Variants in NRXN3 observed in about 807,000 individuals in gnomAD.
NRXN3 encodes neurexin 3.
In NRXN3, 32 loss-of-function variants were observed where a neutral mutation model predicts 137.6. The ratio of observed to expected loss-of-function variants is 0.23; its 90% CI spans 0.18 to 0.31. The LOEUF (loss-of-function observed/expected upper bound fraction) is 0.31. Among genes scored for constraint, NRXN3 ranks in the 10% least tolerant of loss-of-function variants. NRXN3 has a pLI of 1.00. For synonymous variants in NRXN3, 798 were observed against 784.5 expected (o/e 1.02, Z -0.29); for missense variants, 1,574 against 2,062.5 (o/e 0.76, Z 4.59).
intron 15 of NRXN3, among the ~76,000 whole-genome samples, chr14:79,178,661 C>CTAATTTAAGTACA: frequency 6.6e-6 from 1 of 152,102 alleles, no homozygotes; most frequent in Non-Finnish European, 1.5e-5. Flanking sequence ...CTGTTAGGTT[C>CTAATTTAAGTACA]TGTGTTTTGG....
intron 4 of NRXN3, among the ~76,000 whole-genome samples, chr14:78,423,912 TAGGGGCACAAATATATGAACA>T (rs2093559673): frequency 6.6e-6 from 1 of 152,194 alleles, no homozygotes; most frequent in African/African-American, 2.4e-5. Context: ...ATTGTTCCCG[TAGGGGCACAAATATATGAACA>T]AGCGTCTGCA....
intron 4 of NRXN3, among the ~76,000 whole-genome samples, chr14:78,635,731 G>A (rs59887424): frequency 0.055 from 8,379 of 152,130 alleles, 478 homozygotes; most frequent in East Asian, 0.18. Flanking sequence ...TTGGCCAAGG[G>A]TGAAAGGATA....
rs1309421504 is a variant in NRXN3 at position 79,574,321 on chromosome 14, G to C, written c.3445-89457G>C. ...ATAAAGGTTAAGAGTGTAAATTTGG[G>C]GTTCATACTACTAGAGTTTCACAAC... On this transcript the variant is annotated intron_variant, in intron 16 of 20. Coordinates refer to ENST00000335750, the MANE Select transcript of NRXN3 (RefSeq NM_001330195.2). Among the ~76,000 whole-genome samples the C allele has an allele frequency of 2.0e-5, 3 of 151,618 alleles. No individual in the cohort carries two copies. The East Asian group carries it at 5.8e-4, about 29-fold the overall frequency.
rs186949267 is a variant in NRXN3 at position 79,773,338 on chromosome 14, T to A, written c.4015-31774T>A. Among the ~76,000 whole-genome samples the A allele has an allele frequency of 2.6e-5, 4 of 152,202 alleles. No homozygotes were observed. The East Asian group carries it at 7.7e-4, about 29-fold the overall frequency. Reference sequence around the variant, plus strand: ...AAAGACACATGCACACGTATGTTTATTGCGGCATTATTCACAACAGCAAAG... The same window carrying A: ...AAAGACACATGCACACGTATGTTTAATGCGGCATTATTCACAACAGCAAAG... On this transcript the variant is annotated intron_variant, in intron 19 of 20. Coordinates refer to ENST00000335750, the MANE Select transcript of NRXN3 (RefSeq NM_001330195.2).
At chr14:79,443,038 G>A (rs940251061) in intron 15 of NRXN3, among the ~76,000 whole-genome samples, 4 of 152,180 alleles carry the variant, frequency 2.6e-5, no homozygotes, top group African/African-American at 9.7e-5. Flanking sequence ...ACTTCAAAGG[G>A]TACACAGACA....
At chr14:79,749,389 A>G (rs2098990017) in intron 19 of NRXN3, among the ~76,000 whole-genome samples, 1 of 151,762 alleles carries the variant, frequency 6.6e-6, no homozygotes, top group East Asian at 1.9e-4. Context: ...CAAAAAAGCA[A>G]CTGTAAGTAT....
chr14:79,326,995 C>A (rs1673659787), intron 15 of NRXN3, among the ~76,000 whole-genome samples: 1 of 152,212 alleles, frequency 6.6e-6, no homozygotes, highest in Non-Finnish European at 1.5e-5. Flanking sequence ...AGTGCTCAGT[C>A]TCTCATCTTG....
At chr14:79,729,403 A>C (rs1038474574) in intron 19 of NRXN3, among the ~76,000 whole-genome samples, 1 of 152,176 alleles carries the variant, frequency 6.6e-6, no homozygotes, top group African/African-American at 2.4e-5. Flanking sequence ...CCTGTCTGCA[A>C]AACAGGTGGG....
intron 15 of NRXN3, among the ~76,000 whole-genome samples, chr14:79,220,101 G>C (rs773804942): frequency 2.0e-5 from 3 of 152,080 alleles, no homozygotes; most frequent in Non-Finnish European, 4.4e-5. Flanking sequence ...CGTTATGTTG[G>C]AAAACTGCAT....
At chr14:79,423,016 G>T (rs917707239) in intron 15 of NRXN3, among the ~76,000 whole-genome samples, 8 of 152,174 alleles carry the variant, frequency 5.3e-5, no homozygotes, top group Non-Finnish European at 1.2e-4. Context: ...CATTCTTAAA[G>T]ATGTTTCAGC....
intron 6 of NRXN3, among the ~76,000 whole-genome samples, chr14:78,691,233 T>G (rs1347719543): frequency 1.3e-5 from 2 of 152,174 alleles, no homozygotes; most frequent in African/African-American, 4.8e-5. Flanking sequence ...TTATTTGCTC[T>G]TGGGTTAAAT....
At chr14:78,584,969 A>G (rs2097046589) in intron 4 of NRXN3, among the ~76,000 whole-genome samples, 1 of 152,206 alleles carries the variant, frequency 6.6e-6, no homozygotes, top group South Asian at 2.1e-4. Context: ...CATAACAGGC[A>G]TAGCATTAGC....
At chr14:79,638,996 T>C (rs1391702142) in intron 16 of NRXN3, among the ~76,000 whole-genome samples, 2 of 152,134 alleles carry the variant, frequency 1.3e-5, no homozygotes, top group African/African-American at 2.4e-5. Context: ...TAACTCACCC[T>C]TCCCTGCCCT....
At position 79,610,860 on chromosome 14, in the gene NRXN3, C is replaced by A. The variant is rs567417605; in HGVS notation, c.3445-52918C>A. Among the ~76,000 whole-genome samples, 22 of 152,224 alleles carry A rather than the reference C, an allele frequency of 1.4e-4. No homozygotes were observed. The South Asian group carries it at 3.7e-3, about 26-fold the overall frequency. On this transcript the variant is annotated intron_variant, in intron 16 of 20. Coordinates refer to ENST00000335750, the MANE Select transcript of NRXN3 (RefSeq NM_001330195.2). Reference sequence around the variant, plus strand: ...GTAGAGTTAAAGACAAGTACAGTGCCCATGTACCCTTTATGCTGCAAGTTC... The same window carrying A: ...GTAGAGTTAAAGACAAGTACAGTGCACATGTACCCTTTATGCTGCAAGTTC...
intron 10 of NRXN3, among the ~76,000 whole-genome samples, chr14:78,810,676 A>T (rs955449327): frequency 5.3e-5 from 8 of 152,244 alleles, no homozygotes; most frequent in African/African-American, 1.9e-4. Context: ...GGTAACTCTG[A>T]GAGTGAACAA....
chr14:79,172,948 G>A (rs748608512), intron 15 of NRXN3, among the ~76,000 whole-genome samples: 3 of 152,190 alleles, frequency 2.0e-5, no homozygotes, highest in African/African-American at 4.8e-5. Flanking sequence ...CACTTCCAAA[G>A]CTGTTATCAC....
At chr14:79,524,889 G>A (rs990496082) in intron 16 of NRXN3, among the ~76,000 whole-genome samples, 2 of 152,192 alleles carry the variant, frequency 1.3e-5, no homozygotes, top group Non-Finnish European at 1.5e-5. Flanking sequence ...TAATGGTAAT[G>A]GACTGAGGCA....
intron 4 of NRXN3, among the ~76,000 whole-genome samples, chr14:78,524,934 G>A (rs1255773966): frequency 1.3e-5 from 2 of 152,138 alleles, no homozygotes; most frequent in Admixed American, 1.3e-4. Flanking sequence ...ATTCCAATAA[G>A]TGCCTTTTCT....
chr14:79,449,400 A>T (rs961327720), intron 15 of NRXN3, among the ~76,000 whole-genome samples: 1 of 151,806 alleles, frequency 6.6e-6, no homozygotes, highest in African/African-American at 2.4e-5. Flanking sequence ...CAGTTTGCTT[A>T]TTTTCCTTTG....
Sources: allele counts gnomAD v4.1 joint callset (sites outside exome capture counted in the v4.1 genomes callset), GRCh38; gene constraint gnomAD v4.1.1; transcripts MANE v1.5; gene names NCBI Gene and HGNC (gene_info 2026-07-23, HGNC 2026-07-21).